C10orf71: variants seen among roughly 807,000 people sequenced by gnomAD.
C10orf71 encodes the protein chromosome 10 open reading frame 71.
For synonymous variants in C10orf71, 758 were observed against 726.3 expected (o/e 1.04, Z -0.70); for missense variants, 1,869 against 1,804.5 (o/e 1.04, Z -0.65).
In C10orf71 at chr10:49,327,235, T is replaced by G; in HGVS notation, c.*382T>G. The G allele has an allele frequency of 2.6e-6, 1 of 388,130 alleles. No homozygotes were observed. The highest frequency in any genetic ancestry group is 5.0e-6 in the Non-Finnish European group (1 of 198,088). The allele number at this position is 388,130 out of a possible 1,614,324, so 24.0% of individuals were successfully genotyped here. A position where few individuals can be genotyped will look rare whatever the true frequency, so the allele number is the denominator to read the frequency against. ...GGCACCGCCTGGTCCCAAGTGTCCC[T>G]CTGTACCCACACCCACCCACTCACT... is the stretch of plus-strand genomic sequence containing the variant. On this transcript the variant is annotated 3_prime_UTR_variant, in exon 3 of 3. Transcript: ENST00000374144.
At chr10:49,299,990 A>G (rs1848698195) in intron 1 of C10orf71, among the ~76,000 whole-genome samples, 2 of 152,356 alleles carry the variant, frequency 1.3e-5, no homozygotes, top group East Asian at 1.9e-4. Context: ...GGCCCCCACC[A>G]GACTCCCACA....
chr10:49,304,424 G>T (rs886875296), intron 1 of C10orf71, among the ~76,000 whole-genome samples: 3 of 152,298 alleles, frequency 2.0e-5, no homozygotes, highest in South Asian at 2.1e-4. Context: ...CACCCACTGA[G>T]TGAGGCCATG....
In C10orf71 at chr10:49,326,268, C is replaced by T; in HGVS notation, c.3723C>T (p.Pro1241=). 1 of 1,549,580 alleles carries T rather than the reference C, an allele frequency of 6.5e-7. No individual in the cohort carries two copies. ...CCGTGGTCCGTTCCCTGCCCCCTCC[C>T]GTGCACCGCCACTCCGTGTCCGGCT... is the stretch of plus-strand genomic sequence containing the variant. ...NFPVVRSLPP[P]VHRHSVSGFS... The change falls in exon 3 of 3, where the codon CCC becomes CCT. Residue 1241 remains proline (P), a synonymous_variant. Transcript: ENST00000374144.
chr10:49,324,898 A>G lies in C10orf71; in HGVS notation c.2353A>G (p.Ser785Gly). ...GGATGAGCTGCAGTACTGTGCCTTA[A>G]GCAATGGGCACGCATGCCTGGAAAA... ...RKDELQYCAL[S>G]NGHACLENRS... Residue 785 changes from serine to glycine, a missense_variant, in exon 3 of 3, where the codon AGC becomes GGC. Transcript: ENST00000374144. 6.4e-7 allele frequency: 1 copy of G among 1,551,146 alleles called. No individual in the cohort carries two copies. Among genetic ancestry groups the G allele is most frequent in the Non-Finnish European group, 8.7e-7 (1 of 1,146,498 alleles).
At position 49,308,656 on chromosome 10, in the gene C10orf71, C is replaced by T. The variant is rs532095458; in HGVS notation, c.-247-7489C>T. Among the ~76,000 whole-genome samples the T allele has an allele frequency of 5.3e-5, 8 of 152,300 alleles. No homozygotes were observed. In the East Asian group the frequency reaches 1.2e-3, roughly 22 times the overall value. On this transcript the variant is annotated intron_variant, in intron 1 of 2. Transcript: ENST00000374144. ...TAACTTCCCAGGATCCATCCAGTTA[C>T]GTGAGGAGAGGGCCCGGGTCAGCCC...
rs575716978 is a variant in C10orf71 at position 49,326,619 on chromosome 10, C to A, written c.4074C>A (p.Pro1358=). Reference sequence around the variant, plus strand: ...GCTGCTCCTCTCAGCTCTCCGCGCCCACCTTCCTCAGGCAGGGCCCTCGTG... The same window carrying A: ...GCTGCTCCTCTCAGCTCTCCGCGCCAACCTTCCTCAGGCAGGGCCCTCGTG... ...PLRCSSQLSA[P]TFLRQGPRAS... The change falls in exon 3 of 3, where the codon CCC becomes CCA. Residue 1358 remains proline (P), a synonymous_variant. Transcript: ENST00000374144. The A allele has an allele frequency of 1.2e-5, 18 of 1,550,288 alleles. No homozygotes were observed. In the Admixed American group the frequency reaches 3.5e-4, roughly 30 times the overall value.
At chr10:49,315,856 GA>G (rs1295886371) in intron 1 of C10orf71, among the ~76,000 whole-genome samples, 1 of 152,168 alleles carries the variant, frequency 6.6e-6, no homozygotes, top group Non-Finnish European at 1.5e-5. Context: ...AGGAGTTCGA[GA>G]CCAGCCTGGC....
chr10:49,302,227 G>T (rs1048938288), intron 1 of C10orf71, among the ~76,000 whole-genome samples: 1 of 152,200 alleles, frequency 6.6e-6, no homozygotes, highest in Non-Finnish European at 1.5e-5. Flanking sequence ...GAGCCTGCCT[G>T]TGAGGGCCAG....
In C10orf71 at chr10:49,323,448, A is replaced by G. The variant is rs772505003; in HGVS notation, c.903A>G (p.Lys301=). Residue 301 remains lysine, a synonymous_variant, in exon 3 of 3, where the codon AAA becomes AAG. Transcript: ENST00000374144. Reference sequence around the variant, plus strand: ...CAGCTGGAACCGTCCCAGAAAGCAAAGCTCCCAAGCACTATGGGGACACGA... The same window carrying G: ...CAGCTGGAACCGTCCCAGAAAGCAAGGCTCCCAAGCACTATGGGGACACGA... ...KDTAGTVPES[K]APKHYGDTTL... 1 of 1,614,054 alleles carries G rather than the reference A, an allele frequency of 6.2e-7. No homozygotes were observed. The highest frequency in any genetic ancestry group is 8.5e-7 in the Non-Finnish European group (1 of 1,179,892).
intron 1 of C10orf71, among the ~76,000 whole-genome samples, chr10:49,313,008 C>T (rs1426094656): frequency 6.6e-6 from 1 of 152,172 alleles, no homozygotes; most frequent in Non-Finnish European, 1.5e-5. Context: ...ATTGCTTGCA[C>T]TGTGCACTAT....
At chr10:49,301,044 C>T (rs868858611) in intron 1 of C10orf71, among the ~76,000 whole-genome samples, 40 of 152,316 alleles carry the variant, frequency 2.6e-4, no homozygotes, top group Middle Eastern at 3.4e-3. Context: ...GAGACCCTTA[C>T]TGAAGAGGGG....
chr10:49,322,599 C>T lies in C10orf71; in HGVS notation c.54C>T (p.Ile18=), dbSNP rs368577905. The change falls in exon 3 of 3, where the codon ATC becomes ATT. Residue 18 remains isoleucine, a synonymous_variant. Transcript: ENST00000374144. ...CTDAFSDSSS[I]GSVLDDADRE... is the part of the protein sequence containing the mutation. The stretch of plus-strand genomic sequence containing the variant: ...ACGCGTTCAGCGACTCCTCCAGCAT[C>T]GGCAGCGTGTTGGATGATGCAGACA... 62 of 1,612,466 alleles carry T rather than the reference C, an allele frequency of 3.8e-5. No individual in the cohort carries two copies. The highest frequency in any genetic ancestry group is 1.6e-4 in the Middle Eastern group (1 of 6,080).
intron 1 of C10orf71, among the ~76,000 whole-genome samples, chr10:49,312,720 A>G (rs531559457): frequency 6.6e-6 from 1 of 152,298 alleles, no homozygotes; most frequent in East Asian, 1.9e-4. Context: ...CTGCTGAGGG[A>G]CACCTTCCCT....
intron 1 of C10orf71, among the ~76,000 whole-genome samples, chr10:49,299,920 G>T (rs554033431): frequency 6.6e-6 from 1 of 152,216 alleles, no homozygotes; most frequent in Non-Finnish European, 1.5e-5. Flanking sequence ...GGCTCTGCGA[G>T]CATGTGTGTC....
At chr10:49,318,379 C>T (rs1421173219) in intron 2 of C10orf71, among the ~76,000 whole-genome samples, 3 of 152,216 alleles carry the variant, frequency 2.0e-5, no homozygotes. Context: ...TGGGCTGATG[C>T]TCTCCCCTTG....
intron 1 of C10orf71, among the ~76,000 whole-genome samples, chr10:49,303,882 C>T (rs1476218536): frequency 6.6e-6 from 1 of 152,210 alleles, no homozygotes; most frequent in African/African-American, 2.4e-5. Context: ...GCCGCCTTAC[C>T]CCTGCTGTGC....
intron 2 of C10orf71, among the ~76,000 whole-genome samples, chr10:49,317,384 C>A (rs973677559): frequency 5.9e-5 from 9 of 152,202 alleles, no homozygotes; most frequent in African/African-American, 2.2e-4. Context: ...TCTCTCAGGG[C>A]TGCAAAGTGA....
chr10:49,325,159 A>C lies in C10orf71; in HGVS notation c.2614A>C (p.Met872Leu). Residue 872 changes from methionine to leucine, a missense_variant, in exon 3 of 3, where the codon ATG becomes CTG. Transcript: ENST00000374144. ...LRATPVIKPI[M>L]LPLLRTMSLE... ...AGCTACCCCCGTAATTAAACCTATC[A>C]TGCTGCCTCTCCTGAGGACCATGTC... 6.4e-7 allele frequency: 1 copy of C among 1,552,044 alleles called. No homozygotes were observed. Among genetic ancestry groups the C allele is most frequent in the Non-Finnish European group, 8.7e-7 (1 of 1,147,060 alleles).
chr10:49,299,627 C>A (rs1698445367), intron 1 of C10orf71, among the ~76,000 whole-genome samples: 1 of 152,132 alleles, frequency 6.6e-6, no homozygotes, highest in African/African-American at 2.4e-5. Flanking sequence ...GGCTAAGGTT[C>A]TTGGTGTGCT....
Sources: gnomAD v4.1 joint callset for allele counts (sites outside exome capture counted in the v4.1 genomes callset) on GRCh38, gnomAD v4.1.1 for gene constraint, MANE v1.5 for transcripts, NCBI Gene and HGNC (gene_info 2026-07-23, HGNC 2026-07-21) for gene names.